The following BRAF variants were observed in gnomAD, a reference collection of about 807,000 sequenced individuals.
BRAF encodes the protein B-Raf proto-oncogene, serine/threonine kinase.
In BRAF, 16 loss-of-function variants were observed where a neutral mutation model predicts 104.6. That is an observed-to-expected ratio of 0.15 (90% CI 0.10 to 0.23). BRAF has a LOEUF of 0.23. Among genes scored for constraint, BRAF ranks in the 10% least tolerant of loss-of-function variants. BRAF has a pLI of 1.00. For missense variants in BRAF, 541 were observed against 937.3 expected, an observed-to-expected ratio of 0.58 and a Z score of 5.52; for synonymous variants, 310 against 341.6, an observed-to-expected ratio of 0.91 and a Z score of 1.02.
Position 140,724,038 on chromosome 7 carries a change from A to G in BRAF, c.*2456T>C. Reference sequence around the variant, plus strand: ...TTAAGGTATCTATAAAAATCTCAATATGCTAAGCCTGGCTCCTGGGCACAG... The same window carrying G: ...TTAAGGTATCTATAAAAATCTCAATGTGCTAAGCCTGGCTCCTGGGCACAG... On this transcript the variant is annotated 3_prime_UTR_variant, in exon 20 of 20. Coordinates refer to ENST00000644969, the MANE Select transcript of BRAF (RefSeq NM_001374258.1). 3 of 1,047,104 alleles carry G rather than the reference A, an allele frequency of 2.9e-6. No homozygotes were observed. The highest frequency in any genetic ancestry group is 3.5e-6 in the Non-Finnish European group (3 of 867,878). 64.9% of individuals were successfully genotyped at this position (1,047,104 alleles called of 1,614,324 possible). A position where few individuals can be genotyped will look rare whatever the true frequency, so the allele number is the denominator to read the frequency against.
At chr7:140,791,996 G>A (rs1210959280) in intron 8 of BRAF, among the ~76,000 whole-genome samples, 1 of 152,136 alleles carries the variant, frequency 6.6e-6, no homozygotes, top group Non-Finnish European at 1.5e-5. Context: ...GATAATCATA[G>A]TACATAACCT....
At chr7:140,793,418 A>G (rs1435808665) in intron 8 of BRAF, among the ~76,000 whole-genome samples, 3 of 152,196 alleles carry the variant, frequency 2.0e-5, no homozygotes, top group Non-Finnish European at 4.4e-5. Flanking sequence ...AATGAACCCA[A>G]TAAAAATAGA....
At chr7:140,762,601 C>T (rs181290928) in intron 14 of BRAF, among the ~76,000 whole-genome samples, 1 of 122,274 alleles carries the variant, frequency 8.2e-6, no homozygotes, top group South Asian at 2.7e-4. Context: ...AATCCAGGAG[C>T]TGTTTTTTTT....
chr7:140,733,813 T>C (rs923404556), intron 19 of BRAF: 3 of 185,440 alleles, frequency 1.6e-5, no homozygotes, highest in Non-Finnish European at 3.1e-5. Flanking sequence ...GGGGAGAGAT[T>C]GGGTGTGAAG....
At chr7:140,806,404 T>A (rs1015119256) in intron 5 of BRAF, among the ~76,000 whole-genome samples, 1 of 152,212 alleles carries the variant, frequency 6.6e-6, no homozygotes, top group Non-Finnish European at 1.5e-5. Flanking sequence ...AGGTAAGATA[T>A]GGTATTGGCA....
chr7:140,910,907 G>A (rs182637475), intron 1 of BRAF, among the ~76,000 whole-genome samples: 200 of 151,976 alleles, frequency 1.3e-3, no homozygotes, highest in African/African-American at 4.4e-3. Context: ...TCAAGCAGTC[G>A]TCCCGCCTCA....
rs1321399483 is a variant in BRAF at position 140,731,915 on chromosome 7, T to C, written c.2401+2702A>G. Reference sequence around the variant, plus strand: ...GGCCGGGCGCGGTGGCTCACGCCTGTAATCCCAGCACTTTGGGAGGCCGAG... The same window carrying C: ...GGCCGGGCGCGGTGGCTCACGCCTGCAATCCCAGCACTTTGGGAGGCCGAG... On this transcript the variant is annotated intron_variant, in intron 19 of 19. Transcript: ENST00000644969. 6 of 151,808 alleles carry C rather than the reference T, an allele frequency of 4.0e-5. No individual in the cohort carries two copies. In the East Asian group the frequency reaches 1.2e-3, roughly 29 times the overall value. 9.4% of individuals were successfully genotyped at this position (151,808 alleles called of 1,614,324 possible).
At chr7:140,769,933 G>A (rs1799681470) in intron 14 of BRAF, among the ~76,000 whole-genome samples, 1 of 152,056 alleles carries the variant, frequency 6.6e-6, no homozygotes, top group South Asian at 2.1e-4. Context: ...ACACGACTTG[G>A]AACAAAAGCT....
chr7:140,760,336 C>G (rs1365498494), intron 14 of BRAF, among the ~76,000 whole-genome samples: 1 of 151,570 alleles, frequency 6.6e-6, no homozygotes, highest in Non-Finnish European at 1.5e-5. Context: ...TCACTTGAAC[C>G]CTGGAGACAG....
chr7:140,747,223 G>T (rs2128992567), intron 17 of BRAF: 1 of 234,798 alleles, frequency 4.3e-6, no homozygotes, highest in Non-Finnish European at 7.8e-6. Context: ...AGGGGGTAAT[G>T]AAGCAGAATG....
chr7:140,919,315 T>C (rs867276944), intron 1 of BRAF, among the ~76,000 whole-genome samples: 1 of 152,128 alleles, frequency 6.6e-6, no homozygotes, highest in Admixed American at 6.5e-5. Context: ...CTTTATCCGA[T>C]GTTACAGAGC....
intron 17 of BRAF, 86 bp from the exon 17 acceptor site, chr7:140,740,032 TG>T: frequency 7.1e-7 from 1 of 1,415,380 alleles, no homozygotes; most frequent in Non-Finnish European, 9.8e-7. Flanking sequence ...CACAATAAGC[TG>T]TACATTTACA....
In BRAF at chr7:140,905,027, T is replaced by C. The variant is rs540376480; in HGVS notation, c.138+19539A>G. Among the ~76,000 whole-genome samples the C allele has an allele frequency of 2.6e-3, 394 of 152,330 alleles. 1 individual carries two copies. The highest frequency in any genetic ancestry group is 0.014 in the Middle Eastern group (4 of 294). ...AAAATGCTTTTTTGGTTTCAATCCTTTGAAATTTGTTGAAACTTGTTTTAC... is the reference window on the plus strand; with the variant it reads ...AAAATGCTTTTTTGGTTTCAATCCTCTGAAATTTGTTGAAACTTGTTTTAC... On this transcript the variant is annotated intron_variant, in intron 1 of 19. Transcript: ENST00000644969.
At chr7:140,811,625 T>C (rs112948527) in intron 3 of BRAF, among the ~76,000 whole-genome samples, 1,630 of 152,296 alleles carry the variant, frequency 0.011, 35 homozygotes, top group African/African-American at 0.037. Context: ...GACTGCAAAG[T>C]AGGCAGGCTC....
intron 3 of BRAF, among the ~76,000 whole-genome samples, chr7:140,833,314 G>C (rs1806984287): frequency 6.6e-6 from 1 of 152,204 alleles, no homozygotes; most frequent in African/African-American, 2.4e-5. Context: ...ATACCGTGAT[G>C]AAGAGAAGGG....
rs1473224518 is a variant in BRAF, at chr7:140,722,289, A to C, written c.*4205T>G. On this transcript the variant is annotated 3_prime_UTR_variant, in exon 20 of 20. Coordinates refer to ENST00000644969, the MANE Select transcript of BRAF (RefSeq NM_001374258.1). ...CATTGTTAAATGTGATTTTGGCTAT[A>C]AACTCTTTAGTGCATTTACCTATGC... 1.9e-6 allele frequency: 2 copies of C among 1,056,270 alleles called. No homozygotes were observed. The highest frequency in any genetic ancestry group is 2.3e-6 in the Non-Finnish European group (2 of 873,650). The allele number at this position is 1,056,270 out of a possible 1,614,324, so 65.4% of individuals were successfully genotyped here.
rs537713770 is a variant in BRAF, at chr7:140,726,067, T to C, written c.*427A>G. The C allele has an allele frequency of 1.2e-5, 13 of 1,079,854 alleles. No individual in the cohort carries two copies. The Admixed American group carries it at 4.0e-4, about 34-fold the overall frequency. 66.9% of individuals were successfully genotyped at this position (1,079,854 alleles called of 1,614,324 possible). ...AATTCCAGAACAGGAAAGAGAACGA[T>C]GCTTGGTGATTGAAACTGCCCCATC... On this transcript the variant is annotated 3_prime_UTR_variant, in exon 20 of 20. Coordinates refer to ENST00000644969, the MANE Select transcript of BRAF (RefSeq NM_001374258.1).
chr7:140,895,120 A>T (rs1814733644), intron 1 of BRAF, among the ~76,000 whole-genome samples: 1 of 152,194 alleles, frequency 6.6e-6, no homozygotes, highest in Non-Finnish European at 1.5e-5. Flanking sequence ...CAATTAAAAG[A>T]ATATACAATA....
At chr7:140,907,666 G>A (rs961435155) in intron 1 of BRAF, among the ~76,000 whole-genome samples, 9 of 151,964 alleles carry the variant, frequency 5.9e-5, no homozygotes, top group African/African-American at 1.4e-4. Flanking sequence ...GGGCTCAAGC[G>A]GGTCCCAAAT....
Sources: allele counts gnomAD v4.1 joint callset (sites outside exome capture counted in the v4.1 genomes callset), GRCh38; gene constraint gnomAD v4.1.1; transcripts MANE v1.5; gene names NCBI Gene and HGNC (gene_info 2026-07-23, HGNC 2026-07-21).